Variants in NARS2 observed in about 807,000 individuals in gnomAD.
NARS2 encodes the protein asparaginyl-tRNA synthetase 2, mitochondrial.
A neutral mutation model predicts 62.9 loss-of-function variants in NARS2; 60 were observed. The ratio of observed to expected loss-of-function variants is 0.95; its 90% CI spans 0.77 to 1.18. The LOEUF (loss-of-function observed/expected upper bound fraction) is 1.18. Among genes scored for constraint, NARS2 ranks in the 50% most tolerant of loss-of-function variants. NARS2 has a pLI of 0.00. For synonymous variants in NARS2, 196 were observed against 200.0 expected (o/e 0.98, Z 0.17); for missense variants, 619 against 576.4 (o/e 1.07, Z -0.76).
chr11:78,468,079 G>A (rs1312612572), intron 10 of NARS2, among the ~76,000 whole-genome samples: 1 of 150,168 alleles, frequency 6.7e-6, no homozygotes, highest in Non-Finnish European at 1.5e-5. Context: ...TGGGTACTGA[G>A]GCATGCTCCT....
At chr11:78,527,659 A>G (rs917562403) in intron 6 of NARS2, among the ~76,000 whole-genome samples, 21 of 152,232 alleles carry the variant, frequency 1.4e-4, no homozygotes, top group African/African-American at 4.8e-4. Flanking sequence ...TCATCTGTGC[A>G]TTTTTAAAAC....
intron 11 of NARS2, among the ~76,000 whole-genome samples, chr11:78,451,861 G>A (rs1857982517): frequency 6.6e-6 from 1 of 152,052 alleles, no homozygotes; most frequent in South Asian, 2.1e-4. Flanking sequence ...TACTGCAAAG[G>A]TGACTCTGAA....
At chr11:78,485,392 T>TA (rs1427304685) in intron 7 of NARS2, among the ~76,000 whole-genome samples, 1 of 151,048 alleles carries the variant, frequency 6.6e-6, no homozygotes, top group East Asian at 1.9e-4. Context: ...TCCCAGAACT[T>TA]AAAGTAAAAA....
At chr11:78,489,320 A>G (rs1459492364) in intron 7 of NARS2, among the ~76,000 whole-genome samples, 1 of 152,224 alleles carries the variant, frequency 6.6e-6, no homozygotes, top group Non-Finnish European at 1.5e-5. Flanking sequence ...GATGGCCAGT[A>G]AGTACATGAA....
rs747610936 is a variant in NARS2 at position 78,444,718 on chromosome 11, C to CA, written c.1165-961dup. On this transcript the variant is annotated intron_variant, in intron 11 of 13. Transcript: ENST00000281038. Reference sequence around the variant, plus strand: ...TGGGCGACAGAGCAAGACTCTGTCTCAAACAAAACAAAAAAAAAAAAAAGG... The same window carrying CA: ...TGGGCGACAGAGCAAGACTCTGTCTCAAAACAAAACAAAAAAAAAAAAAAGG... Among the ~76,000 whole-genome samples the CA allele has an allele frequency of 8.8e-4, 51 of 58,118 alleles. 1 individual carries two copies. The highest frequency in any genetic ancestry group is 3.3e-3 in the African/African-American group (50 of 15,138). 38.1% of individuals were successfully genotyped at this position (58,118 alleles called of 152,430 possible).
chr11:78,448,667 T>C (rs893952397), intron 11 of NARS2, among the ~76,000 whole-genome samples: 3 of 152,086 alleles, frequency 2.0e-5, no homozygotes, highest in Non-Finnish European at 2.9e-5. Context: ...GTTAGAAAGG[T>C]CTACTGCCTC....
At chr11:78,522,069 T>C (rs1163881011) in intron 6 of NARS2, among the ~76,000 whole-genome samples, 3 of 151,972 alleles carry the variant, frequency 2.0e-5, no homozygotes, top group African/African-American at 4.8e-5. Context: ...CCTCCTGCCT[T>C]AGCATCGCAA....
At chr11:78,443,824 C>G in intron 11 of NARS2, 66 bp from the exon 12 acceptor site, 3 of 1,196,924 alleles carry the variant, frequency 2.5e-6, no homozygotes, top group Non-Finnish European at 2.4e-6. Flanking sequence ...GTTTCTGAAG[C>G]AAGTAAACCT....
At chr11:78,529,983 T>C (rs1861421417) in intron 5 of NARS2, among the ~76,000 whole-genome samples, 1 of 152,192 alleles carries the variant, frequency 6.6e-6, no homozygotes, top group Non-Finnish European at 1.5e-5. Flanking sequence ...ACACAGGAAA[T>C]AAAGTTATTT....
At chr11:78,557,535 C>A (rs767465638) in intron 5 of NARS2, among the ~76,000 whole-genome samples, 1 of 152,130 alleles carries the variant, frequency 6.6e-6, no homozygotes, top group East Asian at 1.9e-4. Context: ...CCAGATAGCA[C>A]AGATCAGCTG....
chr11:78,439,127 T>C (rs1565198968), intron 13 of NARS2, among the ~76,000 whole-genome samples: 2 of 152,024 alleles, frequency 1.3e-5, no homozygotes, highest in African/African-American at 2.4e-5. Flanking sequence ...AACATCCATC[T>C]CCCAGGTTCA....
At chr11:78,562,554 A>C (rs1856592533) in intron 4 of NARS2, among the ~76,000 whole-genome samples, 1 of 152,252 alleles carries the variant, frequency 6.6e-6, no homozygotes, top group Non-Finnish European at 1.5e-5. Flanking sequence ...GAAAGAGCAG[A>C]ATCTTTTCTA....
intron 1 of NARS2, chr11:78,573,443 G>C (rs1357548553): frequency 6.6e-6 from 1 of 152,240 alleles, no homozygotes; most frequent in Admixed American, 6.5e-5. Flanking sequence ...GGCCGAGGCA[G>C]GAGGATTGCT....
chr11:78,463,137 T>C (rs1001641140), intron 11 of NARS2, among the ~76,000 whole-genome samples: 1 of 152,192 alleles, frequency 6.6e-6, no homozygotes, highest in Non-Finnish European at 1.5e-5. Context: ...CCATTATGGC[T>C]CACTGAAGCC....
chr11:78,437,314 TTCATTCAA>T lies in NARS2; in HGVS notation c.1290-508_1290-501del, dbSNP rs1190575465. 2.6e-5 allele frequency among the ~76,000 whole-genome samples: 4 copies of T among 152,326 alleles called. No individual in the cohort carries two copies. The East Asian group carries it at 7.7e-4, about 29-fold the overall frequency. On this transcript the variant is annotated intron_variant, in intron 13 of 13. Coordinates refer to ENST00000281038, the MANE Select transcript of NARS2 (RefSeq NM_024678.6). ...AGCTACAACAGGGCAGGAACTGTGC[TTCATTCAA>T]CTTTTTATCACCAGGGAGCTCTAGA...
At chr11:78,537,746 C>T (rs139946913) in intron 5 of NARS2, among the ~76,000 whole-genome samples, 1 of 152,296 alleles carries the variant, frequency 6.6e-6, no homozygotes, top group East Asian at 1.9e-4. Flanking sequence ...GGCAGCAAGC[C>T]GTGATTGCAC....
At chr11:78,521,189 G>A (rs1221582511) in intron 6 of NARS2, among the ~76,000 whole-genome samples, 1 of 150,480 alleles carries the variant, frequency 6.6e-6, no homozygotes, top group Non-Finnish European at 1.5e-5. Context: ...TTAAGAGGTG[G>A]GGTTTCATTC....
chr11:78,498,170 G>A (rs995500282), intron 6 of NARS2, among the ~76,000 whole-genome samples: 21 of 150,418 alleles, frequency 1.4e-4, no homozygotes, highest in African/African-American at 4.8e-4. Context: ...TAGGCCAGTA[G>A]CAGGATCAAT....
chr11:78,561,009 A>G (rs958534621), intron 4 of NARS2, among the ~76,000 whole-genome samples: 2 of 152,202 alleles, frequency 1.3e-5, no homozygotes, highest in African/African-American at 4.8e-5. Context: ...GGAGGAGAAA[A>G]TTTAACGGCT....
Sources: allele counts gnomAD v4.1 joint callset (sites outside exome capture counted in the v4.1 genomes callset), GRCh38; gene constraint gnomAD v4.1.1; transcripts MANE v1.5; gene names NCBI Gene and HGNC (gene_info 2026-07-23, HGNC 2026-07-21).